BLTP3A: variants seen among roughly 807,000 people sequenced by gnomAD.
BLTP3A encodes the protein bridge-like lipid transfer protein family member 3A, also known as ICBP90 binding protein 1.
At chr6:34,794,285 C>T in the BLTP3A span, among the ~76,000 whole-genome samples, 182 of 152,236 alleles carry the variant, frequency 1.2e-3, 1 homozygote, top group Middle Eastern at 6.8e-3. Flanking sequence ...GTGCCTATAT[C>T]AAAACATCTC....
chr6:34,850,055 A>C, the BLTP3A span, among the ~76,000 whole-genome samples: 4 of 152,068 alleles, frequency 2.6e-5, no homozygotes, highest in South Asian at 8.3e-4. Flanking sequence ...AGGCAGGAGA[A>C]TCGCTTGAAC....
the BLTP3A span, among the ~76,000 whole-genome samples, chr6:34,795,666 G>C: frequency 6.6e-6 from 1 of 151,846 alleles, no homozygotes; most frequent in Non-Finnish European, 1.5e-5. Context: ...CTCCCAAAGT[G>C]CTGGGATTAC....
At chr6:34,810,424 A>G in the BLTP3A span, among the ~76,000 whole-genome samples, 3 of 152,232 alleles carry the variant, frequency 2.0e-5, no homozygotes, top group Admixed American at 6.5e-5. Context: ...GCAGTATTAG[A>G]TAGCTACAAC....
the BLTP3A span, chr6:34,857,516 C>T: frequency 6.3e-7 from 1 of 1,595,202 alleles, no homozygotes; most frequent in African/African-American, 1.4e-5. Context: ...CATGCTTTTC[C>T]CATTTGTCAG....
the BLTP3A span, among the ~76,000 whole-genome samples, chr6:34,815,500 T>G: frequency 6.6e-6 from 1 of 151,980 alleles, no homozygotes; most frequent in South Asian, 2.1e-4. Flanking sequence ...TCTGCCTGCT[T>G]TGGCTTCCCA....
At chr6:34,861,599 G>T in the BLTP3A span, among the ~76,000 whole-genome samples, 1 of 152,142 alleles carries the variant, frequency 6.6e-6, no homozygotes, top group South Asian at 2.1e-4. Flanking sequence ...ATTCATGTGT[G>T]CACTTGTGGA....
chr6:34,829,021 C>A, the BLTP3A span, among the ~76,000 whole-genome samples: 1 of 70,042 alleles, frequency 1.4e-5, no homozygotes, highest in African/African-American at 6.6e-5. Context: ...GAGTGAAACT[C>A]CATCTCAAAA....
At chr6:34,871,654 T>A in the BLTP3A span, 2,758 of 1,614,180 alleles carry the variant, frequency 1.7e-3, 42 homozygotes, top group African/African-American at 0.026. Flanking sequence ...GAACATGTTG[T>A]GCTGAAGAGG....
At chr6:34,856,813 A>C in the BLTP3A span, 1 of 1,613,930 alleles carries the variant, frequency 6.2e-7, no homozygotes, top group Non-Finnish European at 8.5e-7. Flanking sequence ...TCCTCGAAAG[A>C]ACCCTCTTGA....
At chr6:34,834,979 GA>G in the BLTP3A span, 4 of 1,288,924 alleles carry the variant, frequency 3.1e-6, no homozygotes, top group Non-Finnish European at 4.3e-6. Flanking sequence ...GTTGAAGGGG[GA>G]AGGCCTGTAA....
At chr6:34,802,929 C>T in the BLTP3A span, among the ~76,000 whole-genome samples, 2 of 151,918 alleles carry the variant, frequency 1.3e-5, no homozygotes, top group Admixed American at 6.6e-5. Flanking sequence ...TAATCCTAGC[C>T]CTTTGGGAGG....
At chr6:34,817,423 G>T in the BLTP3A span, among the ~76,000 whole-genome samples, 1 of 152,124 alleles carries the variant, frequency 6.6e-6, no homozygotes, top group Non-Finnish European at 1.5e-5. Flanking sequence ...ATGTGTAAGG[G>T]CCTGGGATTT....
chr6:34,863,940 T>A, the BLTP3A span: 1 of 1,460,946 alleles, frequency 6.8e-7, no homozygotes. Context: ...GTATTGTAAG[T>A]GGATGGGAAT....
At chr6:34,837,837 T>C in the BLTP3A span, among the ~76,000 whole-genome samples, 1 of 152,262 alleles carries the variant, frequency 6.6e-6, no homozygotes, top group Non-Finnish European at 1.5e-5. Flanking sequence ...AGTATTATTT[T>C]GTTTAGTTAT....
chr6:34,796,293 TTAG>T, the BLTP3A span, among the ~76,000 whole-genome samples: 1 of 152,214 alleles, frequency 6.6e-6, no homozygotes, highest in Non-Finnish European at 1.5e-5. Flanking sequence ...TGCACCCTCC[TTAG>T]TAGTAGAGTA....
At chr6:34,815,442 G>A in the BLTP3A span, among the ~76,000 whole-genome samples, 2 of 151,856 alleles carry the variant, frequency 1.3e-5, no homozygotes, top group Admixed American at 1.3e-4. Context: ...TACAGATGGA[G>A]GTTCTCCATG....
the BLTP3A span, among the ~76,000 whole-genome samples, chr6:34,817,816 A>G: frequency 1.6e-4 from 24 of 151,668 alleles, no homozygotes; most frequent in Non-Finnish European, 1.8e-4. Context: ...GGTTAGGACC[A>G]TGCATTCTTG....
chr6:34,822,959 C>G, the BLTP3A span, among the ~76,000 whole-genome samples: 2 of 152,050 alleles, frequency 1.3e-5, no homozygotes, highest in African/African-American at 4.8e-5. Context: ...CTGGAATCCC[C>G]AGGAAAAATA....
the BLTP3A span, among the ~76,000 whole-genome samples, chr6:34,831,436 AT>A: frequency 6.6e-6 from 1 of 152,086 alleles, no homozygotes; most frequent in South Asian, 2.1e-4. Context: ...CCCACCCTTA[AT>A]TTTTTTTAAA....
Sources: allele counts gnomAD v4.1 joint callset (sites outside exome capture counted in the v4.1 genomes callset), GRCh38; gene constraint gnomAD v4.1.1; transcripts MANE v1.5; gene names NCBI Gene and HGNC (gene_info 2026-07-23, HGNC 2026-07-21).